CNTN5: variants seen among roughly 807,000 people sequenced by gnomAD.
The protein encoded by CNTN5 is contactin 5, also known as contactin-5.
CNTN5 carries 77 observed loss-of-function variants against 129.1 expected under a neutral mutation model. That is an observed-to-expected ratio of 0.60 (90% CI 0.50 to 0.72). CNTN5 has a LOEUF of 0.72. CNTN5 is among the 30% of genes least tolerant of loss of function. The probability of loss-of-function intolerance (pLI) is 0.00; values close to 1 mark genes in which losing one functional copy is unlikely to be tolerated. For synonymous variants in CNTN5, 509 were observed against 465.6 expected (o/e 1.09, Z -1.20); for missense variants, 1,478 against 1,328.8 (o/e 1.11, Z -1.75).
At chr11:99,425,577 T>C (rs1209795567) in intron 2 of CNTN5, among the ~76,000 whole-genome samples, 3 of 152,196 alleles carry the variant, frequency 2.0e-5, no homozygotes, top group Non-Finnish European at 1.5e-5. Context: ...CTCCCTGGTT[T>C]GCAACAGTGC....
Position 99,792,570 on chromosome 11 carries a change from T to TGC in CNTN5, c.56-26973_56-26972insCG, listed in dbSNP as rs1459893558. 1.7e-3 allele frequency among the ~76,000 whole-genome samples: 201 copies of TGC among 121,166 alleles called. 2 individuals carry two copies. The highest frequency in any genetic ancestry group is 5.9e-3 in the African/African-American group (195 of 32,894). The allele number at this position is 121,166 out of a possible 152,430, so 79.5% of individuals were successfully genotyped here. ...GTGTGTGTGTGTGTGTGTGTGTGTG[T>TGC]GTGTGTCTGTCTGTCTGTCTGTCTG... On this transcript the variant is annotated intron_variant, in intron 3 of 24. Transcript: ENST00000524871.
chr11:100,004,972 T>G (rs935524507), intron 9 of CNTN5, among the ~76,000 whole-genome samples: 2 of 152,098 alleles, frequency 1.3e-5, no homozygotes, highest in Non-Finnish European at 2.9e-5. Flanking sequence ...GCGGATGCAA[T>G]TGTCAGTTCA....
chr11:99,269,135 G>A (rs1863048995), intron 1 of CNTN5, among the ~76,000 whole-genome samples: 1 of 151,794 alleles, frequency 6.6e-6, no homozygotes, highest in Non-Finnish European at 1.5e-5. Context: ...CATGATGTTG[G>A]GTGTGGTAGA....
intron 17 of CNTN5, among the ~76,000 whole-genome samples, chr11:100,258,942 A>C (rs1950137618): frequency 6.6e-6 from 1 of 152,238 alleles, no homozygotes; most frequent in African/African-American, 2.4e-5. Flanking sequence ...TTTACACATA[A>C]CAATATTAAC....
At chr11:99,754,690 G>C (rs1345869232) in intron 3 of CNTN5, among the ~76,000 whole-genome samples, 1 of 152,100 alleles carries the variant, frequency 6.6e-6, no homozygotes, top group East Asian at 1.9e-4. Flanking sequence ...CTGCCACACA[G>C]AGCCTCCCTA....
chr11:100,029,439 C>G (rs538758395), intron 9 of CNTN5, among the ~76,000 whole-genome samples: 1 of 151,900 alleles, frequency 6.6e-6, no homozygotes, highest in Non-Finnish European at 1.5e-5. Context: ...AAAAATTAGC[C>G]GGGCGAGGTG....
intron 3 of CNTN5, among the ~76,000 whole-genome samples, chr11:99,599,911 A>G (rs1950260978): frequency 1.3e-5 from 2 of 152,268 alleles, no homozygotes; most frequent in Non-Finnish European, 1.5e-5. Context: ...TAAAAGCTAT[A>G]GGAATGTGGA....
At chr11:99,062,445 G>A (rs1326775660) in intron 1 of CNTN5, among the ~76,000 whole-genome samples, 2 of 152,052 alleles carry the variant, frequency 1.3e-5, no homozygotes, top group Non-Finnish European at 2.9e-5. Flanking sequence ...CTTAAGCAGA[G>A]ATGTTTGCCA....
chr11:100,302,152 A>G (rs910512725), intron 20 of CNTN5, among the ~76,000 whole-genome samples: 3 of 151,712 alleles, frequency 2.0e-5, no homozygotes, highest in African/African-American at 7.3e-5. Context: ...AAAAAGGGAA[A>G]ATCAACATTC....
At chr11:99,695,296 A>T (rs754699892) in intron 3 of CNTN5, among the ~76,000 whole-genome samples, 2 of 151,966 alleles carry the variant, frequency 1.3e-5, no homozygotes, top group Non-Finnish European at 2.9e-5. Context: ...AGATACAGGG[A>T]ATCTAGGACA....
At chr11:99,805,268 T>C (rs866283066) in intron 3 of CNTN5, among the ~76,000 whole-genome samples, 38 of 152,068 alleles carry the variant, frequency 2.5e-4, no homozygotes, top group African/African-American at 9.2e-4. Flanking sequence ...ATAGAGAAGA[T>C]AGAACTTGGA....
Position 99,796,592 on chromosome 11 carries a change from G to C in CNTN5, c.56-22952G>C, listed in dbSNP as rs376478371. On this transcript the variant is annotated intron_variant, in intron 3 of 24. Transcript: ENST00000524871. ...GCACTCTGGCTGGGCATCTGAGGCT[G>C]CACTGTAAGCAGGCACAGCCAGACT... is the stretch of plus-strand genomic sequence containing the variant. Among the ~76,000 whole-genome samples, 6 of 151,530 alleles carry C rather than the reference G, an allele frequency of 4.0e-5. No individual in the cohort carries two copies. In the East Asian group the frequency reaches 1.2e-3, roughly 29 times the overall value.
Position 100,211,785 on chromosome 11 carries a change from C to A in CNTN5, c.1885-12907C>A, listed in dbSNP as rs550881868. On this transcript the variant is annotated intron_variant, in intron 15 of 24. Transcript: ENST00000524871. ...CACAATGAAGGTACATTTAATTTTT[C>A]TAACATAAATTTTTAAAAGTTTATT... 9.9e-5 allele frequency among the ~76,000 whole-genome samples: 15 copies of A among 152,132 alleles called. No homozygotes were observed. In the East Asian group the frequency reaches 2.7e-3, roughly 27 times the overall value.
intron 2 of CNTN5, among the ~76,000 whole-genome samples, chr11:99,455,670 A>G (rs1674449954): frequency 6.6e-6 from 1 of 152,132 alleles, no homozygotes; most frequent in South Asian, 2.1e-4. Context: ...TGCTCTGTGC[A>G]GAGGTTCCCG....
chr11:100,077,786 A>G (rs1353431170), intron 13 of CNTN5, among the ~76,000 whole-genome samples: 1 of 152,098 alleles, frequency 6.6e-6, no homozygotes, highest in Non-Finnish European at 1.5e-5. Context: ...TAGCTGAGCC[A>G]TAATCATACC....
At chr11:99,802,981 G>A (rs927178197) in intron 3 of CNTN5, among the ~76,000 whole-genome samples, 2 of 152,216 alleles carry the variant, frequency 1.3e-5, no homozygotes, top group African/African-American at 2.4e-5. Flanking sequence ...GAGTGGAGAG[G>A]GTCCTGCTGC....
At chr11:99,210,496 C>T (rs572544432) in intron 1 of CNTN5, among the ~76,000 whole-genome samples, 23 of 152,032 alleles carry the variant, frequency 1.5e-4, no homozygotes, top group African/African-American at 5.3e-4. Flanking sequence ...GAAAAAGGTC[C>T]TCATATGATG....
chr11:99,621,496 T>C (rs591920), intron 3 of CNTN5, among the ~76,000 whole-genome samples: 68,861 of 152,016 alleles, frequency 0.45, 16,019 homozygotes, highest in Admixed American at 0.59. Flanking sequence ...GAGAACACTG[T>C]TTTCATTTCA....
At position 99,198,147 on chromosome 11, in the gene CNTN5, G is replaced by T. The variant is rs200951793; in HGVS notation, c.-209-127199G>T. 1.2e-4 allele frequency among the ~76,000 whole-genome samples: 19 copies of T among 152,092 alleles called. No homozygotes were observed. In the East Asian group the frequency reaches 3.5e-3, roughly 28 times the overall value. On this transcript the variant is annotated intron_variant, in intron 1 of 24. Transcript: ENST00000524871. ...TCTACAAAAAACAAATGCTCACCCT[G>T]TTTTTTGCTTAAATTTCTTTTCTGT...
Sources: allele counts gnomAD v4.1 joint callset (sites outside exome capture counted in the v4.1 genomes callset), GRCh38; gene constraint gnomAD v4.1.1; transcripts MANE v1.5; gene names NCBI Gene and HGNC (gene_info 2026-07-23, HGNC 2026-07-21).